The following MEF2A variants were observed in gnomAD, a reference collection of about 807,000 sequenced individuals.
MEF2A encodes myocyte enhancer factor 2A, also known as myocyte-specific enhancer factor 2A.
MEF2A carries 28 observed loss-of-function variants against 55.8 expected under a neutral mutation model. The ratio of observed to expected loss-of-function variants is 0.50; its 90% CI spans 0.37 to 0.69. MEF2A has a LOEUF of 0.69. Ranked by LOEUF, MEF2A falls within the 30% of genes least tolerant of loss-of-function variation. MEF2A has a pLI of 0.00. For synonymous variants in MEF2A, 239 were observed against 227.1 expected (o/e 1.05, Z -0.47); for missense variants, 528 against 626.2 (o/e 0.84, Z 1.67).
intron 2 of MEF2A, among the ~76,000 whole-genome samples, chr15:99,617,911 CA>C: frequency 6.6e-6 from 1 of 152,098 alleles, no homozygotes; most frequent in East Asian, 1.9e-4. Context: ...TAGTTGAACC[CA>C]AAGGAATATG....
chr15:99,594,707 C>T (rs1427105231), intron 1 of MEF2A, among the ~76,000 whole-genome samples: 1 of 152,120 alleles, frequency 6.6e-6, no homozygotes, highest in Non-Finnish European at 1.5e-5. Context: ...CTTGCCACTC[C>T]AGCAGAAACC....
chr15:99,630,793 C>T lies in MEF2A; in HGVS notation c.-142-2185C>T, dbSNP rs114269564. Among the ~76,000 whole-genome samples the T allele has an allele frequency of 2.2e-3, 328 of 152,306 alleles. 2 individuals carry two copies. The highest frequency in any genetic ancestry group is 7.7e-3 in the African/African-American group (318 of 41,564). The stretch of plus-strand genomic sequence containing the variant: ...CGTGGGCTAGTCTGTTGCTAGTTCA[C>T]CTTTATACCTAGAGTATAGTTCTTT... On this transcript the variant is annotated intron_variant, in intron 2 of 11. Coordinates refer to ENST00000557942, the MANE Select transcript of MEF2A (RefSeq NM_001319206.4).
At chr15:99,673,955 AAT>A (rs1289011593) in intron 5 of MEF2A, among the ~76,000 whole-genome samples, 4 of 152,102 alleles carry the variant, frequency 2.6e-5, no homozygotes, top group Non-Finnish European at 5.9e-5. Flanking sequence ...TTAAGTTAAT[AAT>A]ATGTGTACAC....
At position 99,569,975 on chromosome 15, in the gene MEF2A, G is replaced by A. The variant is rs538216300; in HGVS notation, c.-225+3871G>A. 4.0e-5 allele frequency among the ~76,000 whole-genome samples: 6 copies of A among 151,326 alleles called. No individual in the cohort carries two copies. In the South Asian group the frequency reaches 1.3e-3, roughly 32 times the overall value. On this transcript the variant is annotated intron_variant, in intron 1 of 11. Coordinates refer to ENST00000557942, the MANE Select transcript of MEF2A (RefSeq NM_001319206.4). Reference sequence around the variant, plus strand: ...TTACACATAGCACACGATATAGGTTGGTACTTATTTAATAAGTACTAAATT... The same window carrying A: ...TTACACATAGCACACGATATAGGTTAGTACTTATTTAATAAGTACTAAATT...
intron 2 of MEF2A, among the ~76,000 whole-genome samples, chr15:99,602,698 G>GTGTGTGTGTA (rs1199857211): frequency 4.5e-5 from 4 of 89,518 alleles, no homozygotes; most frequent in African/African-American, 2.0e-4. Context: ...GTGTGTGTGT[G>GTGTGTGTGTA]TAGGGGTGGG....
chr15:99,634,766 G>A (rs1207149049), intron 3 of MEF2A, among the ~76,000 whole-genome samples: 1 of 152,312 alleles, frequency 6.6e-6, no homozygotes, highest in Non-Finnish European at 1.5e-5. Context: ...GAATGAGGCT[G>A]TTCTTACGTT....
chr15:99,577,030 A>G (rs1382121956), intron 1 of MEF2A, among the ~76,000 whole-genome samples: 3 of 152,184 alleles, frequency 2.0e-5, no homozygotes, highest in Non-Finnish European at 4.4e-5. Flanking sequence ...CAAAATGCCT[A>G]ATGTTGGCGT....
At chr15:99,629,255 A>G (rs2042540303) in intron 2 of MEF2A, among the ~76,000 whole-genome samples, 1 of 152,176 alleles carries the variant, frequency 6.6e-6, no homozygotes, top group Admixed American at 6.5e-5. Flanking sequence ...GTTAGGAATA[A>G]CACTCAAAAT....
chr15:99,621,681 C>G (rs1029227223), intron 2 of MEF2A, among the ~76,000 whole-genome samples: 3 of 152,162 alleles, frequency 2.0e-5, no homozygotes, highest in Non-Finnish European at 2.9e-5. Flanking sequence ...GACATTTTCA[C>G]TTGTCCATGA....
chr15:99,570,063 GAATTT>G (rs1961490214), intron 1 of MEF2A, among the ~76,000 whole-genome samples: 1 of 151,686 alleles, frequency 6.6e-6, no homozygotes, highest in South Asian at 2.1e-4. Context: ...GATATTTACT[GAATTT>G]AATATTTTAA....
At chr15:99,700,187 T>TACACACACAC (rs1234666173) in intron 8 of MEF2A, among the ~76,000 whole-genome samples, 20 of 112,376 alleles carry the variant, frequency 1.8e-4, no homozygotes, top group East Asian at 8.7e-4. Flanking sequence ...TGTGTATATA[T>TACACACACAC]ACACACACAC....
chr15:99,677,888 GAAATAGA>G (rs1211557499), intron 7 of MEF2A, among the ~76,000 whole-genome samples: 4 of 152,052 alleles, frequency 2.6e-5, no homozygotes, highest in Non-Finnish European at 2.9e-5. Context: ...TACAAGCATT[GAAATAGA>G]AAATAGAAAA....
chr15:99,701,200 G>A (rs182881380), intron 8 of MEF2A, among the ~76,000 whole-genome samples: 2 of 152,212 alleles, frequency 1.3e-5, no homozygotes, highest in South Asian at 4.1e-4. Context: ...GAGGATCAAG[G>A]TTAACATCAC....
intron 1 of MEF2A, among the ~76,000 whole-genome samples, chr15:99,582,272 T>G (rs1966161333): frequency 6.6e-6 from 1 of 152,122 alleles, no homozygotes; most frequent in East Asian, 1.9e-4. Flanking sequence ...GCTCATTCTT[T>G]GATTGTTTGA....
chr15:99,687,978 G>A (rs1396504981), intron 7 of MEF2A, among the ~76,000 whole-genome samples: 1 of 152,176 alleles, frequency 6.6e-6, no homozygotes, highest in African/African-American at 2.4e-5. Context: ...TGTGAATGCT[G>A]AGTCCTCCCC....
At position 99,645,864 on chromosome 15, in the gene MEF2A, T is replaced by G. The variant is rs1409046006; in HGVS notation, c.258+100T>G. 7.4e-6 allele frequency: 6 copies of G among 812,860 alleles called. No individual in the cohort carries two copies. In the East Asian group the frequency reaches 1.6e-4, roughly 22 times the overall value. The allele number at this position is 812,860 out of a possible 1,614,324, so 50.4% of individuals were successfully genotyped here. On this transcript the variant is annotated intron_variant, in intron 4 of 11. Transcript: ENST00000557942. ...TGACTTGTACATCTAAAACATAAAT[T>G]AGGTGTATATGTATCTTTTCTCTAA...
intron 4 of MEF2A, among the ~76,000 whole-genome samples, chr15:99,646,366 A>G (rs940212739): frequency 2.0e-5 from 3 of 152,140 alleles, no homozygotes. Flanking sequence ...AATGGAAACC[A>G]GTATGCTTCC....
At chr15:99,617,067 T>TA (rs149597387) in intron 2 of MEF2A, among the ~76,000 whole-genome samples, 2 of 152,342 alleles carry the variant, frequency 1.3e-5, no homozygotes, top group East Asian at 1.9e-4. Context: ...CTGTGTATCT[T>TA]ACGAGAATTG....
chr15:99,687,094 T>C (rs1225224934), intron 7 of MEF2A, among the ~76,000 whole-genome samples: 2 of 140,086 alleles, frequency 1.4e-5, no homozygotes, highest in African/African-American at 5.3e-5. Context: ...CTTTTTTTTT[T>C]TTTTTTTTTT....
Sources: gnomAD v4.1 joint callset for allele counts (sites outside exome capture counted in the v4.1 genomes callset) on GRCh38, gnomAD v4.1.1 for gene constraint, MANE v1.5 for transcripts, NCBI Gene and HGNC (gene_info 2026-07-23, HGNC 2026-07-21) for gene names.